Variants in EIF4E observed in about 807,000 individuals in gnomAD.
EIF4E encodes eIF-4F 25 kDa subunit.
For synonymous variants in EIF4E, 71 were observed against 88.5 expected (o/e 0.80, Z 1.11); for missense variants, 113 against 265.6 (o/e 0.43, Z 3.99).
At position 98,880,002 on chromosome 4, in the gene EIF4E, A is replaced by G. The variant is rs1041910765; in HGVS notation, c.*1026T>C. ...GACATAATATAGAGACTGCCTTGCAATAAGAAGTACAAATTCCTTCTATAA... is the reference window on the plus strand; with the variant it reads ...GACATAATATAGAGACTGCCTTGCAGTAAGAAGTACAAATTCCTTCTATAA... On this transcript the variant is annotated 3_prime_UTR_variant, in exon 7 of 7. Transcript: ENST00000450253. 11 of 152,576 alleles carry G rather than the reference A, an allele frequency of 7.2e-5. No individual in the cohort carries two copies. The highest frequency in any genetic ancestry group is 1.6e-4 in the Non-Finnish European group (11 of 67,996). 9.5% of individuals were successfully genotyped at this position (152,576 alleles called of 1,614,324 possible).
chr4:98,889,986 G>T (rs1009167565), intron 3 of EIF4E, among the ~76,000 whole-genome samples: 5 of 152,164 alleles, frequency 3.3e-5, no homozygotes, highest in Non-Finnish European at 7.4e-5. Context: ...GGCCTTAAAT[G>T]TAGTTATTAT....
chr4:98,908,057 C>T (rs1280780499), intron 1 of EIF4E, among the ~76,000 whole-genome samples: 1 of 152,090 alleles, frequency 6.6e-6, no homozygotes, highest in Admixed American at 6.6e-5. Flanking sequence ...ACATTCATAT[C>T]CCAGTAATAT....
chr4:98,918,801 A>T (rs1396707548), intron 1 of EIF4E, among the ~76,000 whole-genome samples: 1 of 152,252 alleles, frequency 6.6e-6, no homozygotes, highest in Non-Finnish European at 1.5e-5. Flanking sequence ...ATGTGCCAGA[A>T]AAGTGCACAT....
At chr4:98,886,550 G>GA (rs1446743523) in intron 5 of EIF4E, 9 of 409,798 alleles carry the variant, frequency 2.2e-5, no homozygotes, top group Non-Finnish European at 2.9e-5. Context: ...CCCATCTCTG[G>GA]AAAAAAATTA....
chr4:98,884,420 A>G (rs1034556995), intron 6 of EIF4E, among the ~76,000 whole-genome samples: 1 of 152,146 alleles, frequency 6.6e-6, no homozygotes, highest in Non-Finnish European at 1.5e-5. Flanking sequence ...CATATGAAAA[A>G]GGCCAGGCGC....
intron 1 of EIF4E, among the ~76,000 whole-genome samples, chr4:98,923,921 AT>A (rs980669076): frequency 4.6e-5 from 7 of 152,176 alleles, no homozygotes; most frequent in Non-Finnish European, 7.3e-5. Context: ...AATATATCTT[AT>A]TCCGACTTTC....
At chr4:98,882,432 G>GA (rs1376340815) in intron 6 of EIF4E, among the ~76,000 whole-genome samples, 1 of 149,202 alleles carries the variant, frequency 6.7e-6, no homozygotes, top group African/African-American at 2.5e-5. Flanking sequence ...GAATCTTTAG[G>GA]AAAAAAATAG....
intron 5 of EIF4E, chr4:98,886,816 G>T: frequency 2.3e-6 from 1 of 435,984 alleles, no homozygotes; most frequent in Non-Finnish European, 4.3e-6. Flanking sequence ...ATAATTTTGA[G>T]GTTAATGAAA....
chr4:98,892,334 A>G, intron 2 of EIF4E, among the ~76,000 whole-genome samples: 1 of 148,624 alleles, frequency 6.7e-6, no homozygotes. Context: ...AAAACAAAAA[A>G]ACAAACAAAA....
intron 3 of EIF4E, chr4:98,890,797 C>T (rs1724114774): frequency 5.8e-6 from 1 of 171,596 alleles, no homozygotes; most frequent in Non-Finnish European, 1.2e-5. Flanking sequence ...CTTGACAAAC[C>T]GTGAATTCTG....
In EIF4E at chr4:98,891,222, C is replaced by G. The variant is rs201545917; in HGVS notation, c.221+15G>C. ...GAATAAAACAACAAACATACTAAAA[C>G]AAATGGTTACTTACGCCCAAAAGTC... is the stretch of plus-strand genomic sequence containing the variant. On this transcript the variant is annotated intron_variant, in intron 3 of 6. Coordinates refer to ENST00000450253, the MANE Select transcript of EIF4E (RefSeq NM_001968.5). 1.9e-5 allele frequency: 31 copies of G among 1,613,388 alleles called. No individual in the cohort carries two copies. Among genetic ancestry groups the G allele is most frequent in the Non-Finnish European group, 2.6e-5 (31 of 1,179,452 alleles).
intron 1 of EIF4E, among the ~76,000 whole-genome samples, chr4:98,906,573 G>A (rs905955603): frequency 8.5e-5 from 13 of 152,118 alleles, no homozygotes; most frequent in Non-Finnish European, 4.4e-5. Flanking sequence ...AACACCTTGG[G>A]AGGCCAAAGC....
chr4:98,906,019 T>C (rs1484223160), intron 1 of EIF4E, among the ~76,000 whole-genome samples: 2 of 152,242 alleles, frequency 1.3e-5, no homozygotes, highest in East Asian at 3.9e-4. Context: ...CAAGTCTACA[T>C]TGCTTAAATT....
At position 98,921,768 on chromosome 4, in the gene EIF4E, A is replaced by G. The variant is rs1725652622; in HGVS notation, c.18+7327T>C. Among the ~76,000 whole-genome samples the G allele has an allele frequency of 2.0e-5, 3 of 152,214 alleles. 1 individual carries two copies. Among genetic ancestry groups the G allele is most frequent in the African/African-American group, 7.2e-5 (3 of 41,458 alleles). On this transcript the variant is annotated intron_variant, in intron 1 of 6. Coordinates refer to ENST00000450253, the MANE Select transcript of EIF4E (RefSeq NM_001968.5). ...TAGTTAAGTCTAGAATAAATCCAAA[A>G]TTCACAAACTTTTAAAAATGTACTA...
At chr4:98,903,051 T>C (rs1470546931) in intron 1 of EIF4E, among the ~76,000 whole-genome samples, 1 of 152,172 alleles carries the variant, frequency 6.6e-6, no homozygotes, top group East Asian at 1.9e-4. Flanking sequence ...AAATTAACAC[T>C]GTCATCTAAA....
chr4:98,923,641 C>T (rs982707824), intron 1 of EIF4E, among the ~76,000 whole-genome samples: 1 of 152,092 alleles, frequency 6.6e-6, no homozygotes, highest in East Asian at 1.9e-4. Flanking sequence ...TGATTAGGGA[C>T]TTTTGAAGGA....
In EIF4E at chr4:98,901,860, G is replaced by GTGT; in HGVS notation, c.125+13_125+15dup. The GTGT allele has an allele frequency of 6.2e-7, 1 of 1,607,656 alleles. No homozygotes were observed. The highest frequency in any genetic ancestry group is 2.2e-5 in the East Asian group (1 of 44,818). ...TTGTGGCCTAACTCAGAAAACCTAGGTGTTAGAAAGCTTACCTGTTCTGTA... is the reference window on the plus strand; with the variant it reads ...TTGTGGCCTAACTCAGAAAACCTAGGTGTTGTTAGAAAGCTTACCTGTTCTGTA... On this transcript the variant is annotated intron_variant, in intron 2 of 6. Coordinates refer to ENST00000450253, the MANE Select transcript of EIF4E (RefSeq NM_001968.5).
chr4:98,895,545 T>A (rs776003014), intron 2 of EIF4E: 1 of 152,194 alleles, frequency 6.6e-6, no homozygotes, highest in African/African-American at 2.4e-5. Context: ...ATCCTATAAT[T>A]AATGCTTGGT....
At chr4:98,884,540 C>G (rs932038192) in intron 6 of EIF4E, among the ~76,000 whole-genome samples, 1 of 151,984 alleles carries the variant, frequency 6.6e-6, no homozygotes, top group Admixed American at 6.6e-5. Flanking sequence ...CTGGTCTCTA[C>G]TAAAAATATA....
Sources: gnomAD v4.1 joint callset for allele counts (sites outside exome capture counted in the v4.1 genomes callset) on GRCh38, gnomAD v4.1.1 for gene constraint, MANE v1.5 for transcripts, NCBI Gene and HGNC (gene_info 2026-07-23, HGNC 2026-07-21) for gene names.